Variants in SLCO4C1 observed in about 807,000 individuals in gnomAD.
The protein encoded by SLCO4C1 is solute carrier organic anion transporter family member 4C1.
Under a neutral mutation model 72.1 loss-of-function variants are expected in SLCO4C1, and 58 were observed. The ratio of observed to expected loss-of-function variants is 0.80; its 90% CI spans 0.65 to 1.00. SLCO4C1 has a LOEUF of 1.00. SLCO4C1 is among the 50% of genes least tolerant of loss of function. The pLI is 0.00. For missense variants in SLCO4C1, 898 were observed against 857.9 expected, an observed-to-expected ratio of 1.05 and a Z score of -0.58; for synonymous variants, 297 against 312.5, an observed-to-expected ratio of 0.95 and a Z score of 0.52.
At chr5:102,275,597 G>T (rs1749233312) in intron 2 of SLCO4C1, among the ~76,000 whole-genome samples, 1 of 152,108 alleles carries the variant, frequency 6.6e-6, no homozygotes, top group African/African-American at 2.4e-5. Flanking sequence ...AATACACTTG[G>T]ACTACTGAGA....
At chr5:102,239,109 C>G in intron 12 of SLCO4C1, 142 bp downstream of exon 12, 2 of 617,960 alleles carry the variant, frequency 3.2e-6, no homozygotes, top group Non-Finnish European at 5.0e-6. Flanking sequence ...TAAATGTTCT[C>G]TGCTTCAGGA....
intron 2 of SLCO4C1, among the ~76,000 whole-genome samples, chr5:102,287,465 A>G (rs1749475400): frequency 6.6e-6 from 1 of 152,052 alleles, no homozygotes; most frequent in Admixed American, 6.5e-5. Flanking sequence ...GTTGTTGTTA[A>G]CCATCTGTGA....
chr5:102,251,337 G>A (rs1224259953), intron 8 of SLCO4C1, among the ~76,000 whole-genome samples: 3 of 152,190 alleles, frequency 2.0e-5, no homozygotes, highest in Non-Finnish European at 4.4e-5. Flanking sequence ...CTAGACAGTA[G>A]GTGATGACAA....
intron 3 of SLCO4C1, among the ~76,000 whole-genome samples, chr5:102,268,396 T>C (rs1023031749): frequency 6.6e-6 from 1 of 152,158 alleles, no homozygotes; most frequent in African/African-American, 2.4e-5. Flanking sequence ...TAGACTATTT[T>C]GTCTAATTTA....
intron 4 of SLCO4C1, among the ~76,000 whole-genome samples, 178 bp downstream of exon 4, chr5:102,263,506 C>T (rs115178423): frequency 0.02 from 3,057 of 152,068 alleles, 107 homozygotes; most frequent in African/African-American, 0.07. Flanking sequence ...ATAGCACTGA[C>T]CCAAAAGGTA....
At position 102,291,476 on chromosome 5, in the gene SLCO4C1, T is replaced by C. The variant is rs1749549910; in HGVS notation, c.486A>G (p.Val162=). ...DISFCLLSLF[V]SFFGERGHKP... ...TATGTCCTCTTTCACCAAAGAATGA[T>C]ACAAATAAAGACAACAAACAGAATG... The change falls in exon 2 of 13, where the codon GTA becomes GTG. Residue 162 remains valine, a synonymous_variant. Coordinates refer to ENST00000310954, the MANE Select transcript of SLCO4C1 (RefSeq NM_180991.5). The C allele has an allele frequency of 1.2e-6, 2 of 1,614,102 alleles. No individual in the cohort carries two copies. The highest frequency in any genetic ancestry group is 1.3e-5 in the African/African-American group (1 of 75,044).
In SLCO4C1 at chr5:102,257,843, T is replaced by G. The variant is rs918417582; in HGVS notation, c.1273+100A>C. The stretch of plus-strand genomic sequence containing the variant: ...CCATGTTGGCCGGGCTGGTTTTAGT[T>G]TAAATTTCAAGGAGGGCTACCTCAA... On this transcript the variant is annotated intron_variant, in intron 7 of 12. Coordinates refer to ENST00000310954, the MANE Select transcript of SLCO4C1 (RefSeq NM_180991.5). The G allele has an allele frequency of 3.2e-5, 37 of 1,156,322 alleles. No homozygotes were observed. In the African/African-American group the frequency reaches 5.7e-4, roughly 18 times the overall value. 71.6% of individuals were successfully genotyped at this position (1,156,322 alleles called of 1,614,324 possible).
intron 5 of SLCO4C1, 75 bp downstream of exon 5, chr5:102,261,837 T>C: frequency 7.0e-7 from 1 of 1,424,546 alleles, no homozygotes; most frequent in South Asian, 1.5e-5. Context: ...CTATAGTTCT[T>C]ATTAATCATA....
intron 8 of SLCO4C1, among the ~76,000 whole-genome samples, chr5:102,253,300 G>T (rs1228838800): frequency 6.6e-6 from 1 of 152,118 alleles, no homozygotes; most frequent in Admixed American, 6.6e-5. Context: ...TTAGTATTGT[G>T]CCCAATTAAA....
intron 2 of SLCO4C1, among the ~76,000 whole-genome samples, chr5:102,278,949 ATAG>A (rs1304136763): frequency 1.3e-5 from 2 of 151,662 alleles, no homozygotes; most frequent in African/African-American, 2.4e-5. Flanking sequence ...AAAAATAATA[ATAG>A]AATAAATTTA....
Position 102,239,236 on chromosome 5 carries a change from G to T in SLCO4C1, c.2014+15C>A. ...CCTTAGTTTACTCTAAAATTATCAA[G>T]AAGTCACCACTTACTTATGGCTACT... On this transcript the variant is annotated intron_variant, in intron 12 of 12. Coordinates refer to ENST00000310954, the MANE Select transcript of SLCO4C1 (RefSeq NM_180991.5). 6.5e-7 allele frequency: 1 copy of T among 1,533,334 alleles called. No individual in the cohort carries two copies. The highest frequency in any genetic ancestry group is 2.2e-5 in the Admixed American group (1 of 44,994). 95.0% of individuals were successfully genotyped at this position (1,533,334 alleles called of 1,614,324 possible). A position where few individuals can be genotyped will look rare whatever the true frequency, so the allele number is the denominator to read the frequency against.
chr5:102,289,496 G>A (rs1749516403), intron 2 of SLCO4C1, among the ~76,000 whole-genome samples: 1 of 152,194 alleles, frequency 6.6e-6, no homozygotes, highest in African/African-American at 2.4e-5. Context: ...GAAAGGTTGA[G>A]GGCCCAGAAA....
rs1189594537 is a variant in SLCO4C1 at position 102,235,751 on chromosome 5, A to G, written c.*1107T>C. The G allele has an allele frequency of 2.0e-5, 3 of 152,204 alleles. No individual in the cohort carries two copies. Among genetic ancestry groups the G allele is most frequent in the Non-Finnish European group, 2.9e-5 (2 of 68,048 alleles). 9.4% of individuals were successfully genotyped at this position (152,204 alleles called of 1,614,324 possible). On this transcript the variant is annotated 3_prime_UTR_variant, in exon 13 of 13. Coordinates refer to ENST00000310954, the MANE Select transcript of SLCO4C1 (RefSeq NM_180991.5). ...AAGGGATCTAGGTTGCACTCTCCTT[A>G]TGAGAATCTAACTAATGCCTGATGG...
intron 8 of SLCO4C1, among the ~76,000 whole-genome samples, chr5:102,256,674 G>C (rs1748841127): frequency 6.6e-6 from 1 of 152,186 alleles, no homozygotes. Context: ...ATAATGGTAA[G>C]TATTAGCAAG....
At chr5:102,283,252 G>A (rs746737742) in intron 2 of SLCO4C1, among the ~76,000 whole-genome samples, 2 of 151,352 alleles carry the variant, frequency 1.3e-5, no homozygotes, top group African/African-American at 4.9e-5. Context: ...CCACACACCA[G>A]GCACTGCCTT....
At chr5:102,279,457 T>C (rs1301314048) in intron 2 of SLCO4C1, among the ~76,000 whole-genome samples, 1 of 151,966 alleles carries the variant, frequency 6.6e-6, no homozygotes, top group East Asian at 1.9e-4. Flanking sequence ...CAGAAATCTA[T>C]AGGCTCAAAT....
intron 9 of SLCO4C1, 30 bp downstream of exon 9, chr5:102,249,608 A>G: frequency 6.2e-7 from 1 of 1,612,324 alleles, no homozygotes; most frequent in Non-Finnish European, 8.5e-7. Context: ...ATATTGCCTC[A>G]TTAAGGGAAA....
At chr5:102,294,264 T>C (rs1749607298) in intron 1 of SLCO4C1, among the ~76,000 whole-genome samples, 1 of 152,144 alleles carries the variant, frequency 6.6e-6, no homozygotes, top group Non-Finnish European at 1.5e-5. Flanking sequence ...CAGGCTGGTA[T>C]CCAAGTTCTG....
At chr5:102,272,528 G>A (rs1243555690) in intron 2 of SLCO4C1, among the ~76,000 whole-genome samples, 2 of 152,004 alleles carry the variant, frequency 1.3e-5, no homozygotes, top group Admixed American at 6.6e-5. Context: ...TGGCTAGTAA[G>A]GGAGAACAGT....
Sources: allele counts gnomAD v4.1 joint callset (sites outside exome capture counted in the v4.1 genomes callset), GRCh38; gene constraint gnomAD v4.1.1; transcripts MANE v1.5; gene names NCBI Gene and HGNC (gene_info 2026-07-23, HGNC 2026-07-21).